Variants in OTOG observed in about 807,000 individuals in gnomAD.
The protein encoded by OTOG is otogelin.
In OTOG, 296 loss-of-function variants were observed where a neutral mutation model predicts 313.8. The ratio of observed to expected loss-of-function variants is 0.94; its 90% CI spans 0.86 to 1.04. The LOEUF (loss-of-function observed/expected upper bound fraction) is 1.04, where lower values mean the gene tolerates loss of function less well. Ranked by LOEUF, OTOG falls within the 50% of genes least tolerant of loss-of-function variation. OTOG has a pLI of 0.00. For missense variants in OTOG, 3,948 were observed against 3,840.1 expected, an observed-to-expected ratio of 1.03 and a Z score of -0.74; for synonymous variants, 1,533 against 1,554.9, an observed-to-expected ratio of 0.99 and a Z score of 0.33.
chr11:17,561,357 G>A lies in OTOG; in HGVS notation c.1498+220G>A, dbSNP rs560708660. ...TCCATGAGGAGAAGGGGTTTCCATG[G>A]GTTCTGTATATCTAAAGACCTTCCC... On this transcript the variant is annotated intron_variant, in intron 14 of 55. Transcript: ENST00000399397. 2.0e-5 allele frequency among the ~76,000 whole-genome samples: 3 copies of A among 152,318 alleles called. No individual in the cohort carries two copies. The East Asian group carries it at 5.8e-4, about 29-fold the overall frequency.
chr11:17,547,550 GGAGAGAGGGAGGAAA>G, intron 1 of OTOG, 84 bp downstream of exon 1: 1 of 1,273,122 alleles, frequency 7.9e-7, no homozygotes. Context: ...CGCGCAGGTT[GGAGAGAGGGAGGAAA>G]GAGAGGTTTG....
At chr11:17,614,645 A>C (rs1853680219) in intron 39 of OTOG, among the ~76,000 whole-genome samples, 1 of 152,030 alleles carries the variant, frequency 6.6e-6, no homozygotes, top group Non-Finnish European at 1.5e-5. Flanking sequence ...CCCTATAGTT[A>C]TGCCTTTTCC....
Position 17,610,830 on chromosome 11 carries a change from A to G in OTOG, c.5530A>G (p.Thr1844Ala). Reference sequence around the variant, plus strand: ...ACAGGCCACGACTCTGCCTGCTCAGACACTTAGCCCAGTACTGCCTTTCAC... The same window carrying G: ...ACAGGCCACGACTCTGCCTGCTCAGGCACTTAGCCCAGTACTGCCTTTCAC... ...QPQATTLPAQ[T>A]LSPVLPFTPA... Residue 1844 changes from threonine (T) to alanine (A), a missense_variant, in exon 36 of 56, where the codon ACA becomes GCA. Coordinates refer to ENST00000399397, the MANE Select transcript of OTOG (RefSeq NM_001292063.2). 1.9e-6 allele frequency: 3 copies of G among 1,550,866 alleles called. No homozygotes were observed. Among genetic ancestry groups the G allele is most frequent in the Non-Finnish European group, 2.6e-6 (3 of 1,147,000 alleles).
At chr11:17,613,247 CTTTCTTTCT>C (rs1853630526) in intron 38 of OTOG, among the ~76,000 whole-genome samples, 1 of 125,250 alleles carries the variant, frequency 8.0e-6, no homozygotes, top group Non-Finnish European at 1.6e-5. Flanking sequence ...TTCTTTCTTT[CTTTCTTTCT>C]TTCTTTCTTT....
intron 40 of OTOG, among the ~76,000 whole-genome samples, chr11:17,630,499 A>C (rs1854096185): frequency 6.6e-6 from 1 of 152,222 alleles, no homozygotes; most frequent in Non-Finnish European, 1.5e-5. Context: ...TCACAGAATC[A>C]TGGTTAGAGG....
In OTOG at chr11:17,586,551, G is replaced by C; in HGVS notation, c.2837G>C (p.Gly946Ala). ...CTWKGKEYFP[G>A]DQVMSPCHTC... Reference sequence around the variant, plus strand: ...TGGAAGGGGAAGGAGTATTTCCCTGGGGACCAGGTGATGTCTCCTTGCCAT... The same window carrying C: ...TGGAAGGGGAAGGAGTATTTCCCTGCGGACCAGGTGATGTCTCCTTGCCAT... Residue 946 changes from glycine (G) to alanine (A), a missense_variant, in exon 24 of 56, where the codon GGG (glycine) becomes GCG (alanine). Transcript: ENST00000399397. 7.0e-7 allele frequency: 1 copy of C among 1,428,244 alleles called. No homozygotes were observed. Among genetic ancestry groups the C allele is most frequent in the East Asian group, 2.9e-5 (1 of 34,320 alleles). The allele number at this position is 1,428,244 out of a possible 1,614,324, so 88.5% of individuals were successfully genotyped here. A position where few individuals can be genotyped will look rare whatever the true frequency, so the allele number is the denominator to read the frequency against.
intron 30 of OTOG, among the ~76,000 whole-genome samples, chr11:17,598,074 G>A (rs913453573): frequency 1.3e-5 from 2 of 152,168 alleles, no homozygotes; most frequent in African/African-American, 2.4e-5. Context: ...CAGGCAAGAC[G>A]CCAAAGGAAG....
chr11:17,630,047 C>G (rs1854081424), intron 40 of OTOG, among the ~76,000 whole-genome samples: 1 of 152,138 alleles, frequency 6.6e-6, no homozygotes, highest in Non-Finnish European at 1.5e-5. Flanking sequence ...TCACACATTC[C>G]CATTCATGCC....
intron 23 of OTOG, among the ~76,000 whole-genome samples, chr11:17,579,487 C>T (rs1281358684): frequency 6.6e-6 from 1 of 152,124 alleles, no homozygotes; most frequent in Non-Finnish European, 1.5e-5. Context: ...GACTCAAACC[C>T]AAGTCTCCTT....
At chr11:17,630,461 A>G (rs879774358) in intron 40 of OTOG, among the ~76,000 whole-genome samples, 26 of 152,234 alleles carry the variant, frequency 1.7e-4, no homozygotes, top group Admixed American at 5.2e-4. Flanking sequence ...TATATTAATA[A>G]GAGTTTGCCT....
chr11:17,638,685 G>A (rs1847904059), intron 48 of OTOG, 136 bp downstream of exon 48: 2 of 1,506,004 alleles, frequency 1.3e-6, no homozygotes, highest in Admixed American at 3.9e-5. Context: ...GAAGCCACCA[G>A]AATCACCTTC....
intron 15 of OTOG, among the ~76,000 whole-genome samples, chr11:17,563,163 T>C (rs553842742): frequency 4.9e-4 from 74 of 152,266 alleles, no homozygotes; most frequent in African/African-American, 1.7e-3. Flanking sequence ...CTGGGGTAGA[T>C]GGGGGTTTGT....
intron 25 of OTOG, 91 bp downstream of exon 25, chr11:17,591,679 G>A: frequency 1.4e-6 from 2 of 1,469,090 alleles, no homozygotes; most frequent in African/African-American, 2.8e-5. Flanking sequence ...GCAGAATTGG[G>A]TGATCGGGGA....
chr11:17,629,086 G>T, intron 39 of OTOG, 47 bp from the exon 40 acceptor site: 1 of 1,493,480 alleles, frequency 6.7e-7, no homozygotes, highest in Non-Finnish European at 9.1e-7. Context: ...ATGGATGGAT[G>T]AATGAATGGA....
chr11:17,578,275 G>A (rs548323761), intron 22 of OTOG, 98 bp from the exon 23 acceptor site: 226 of 1,407,338 alleles, frequency 1.6e-4, no homozygotes, highest in Non-Finnish European at 1.6e-4. Context: ...GGAGACTTCC[G>A]AGCCCGTCTC....
At position 17,634,052 on chromosome 11, in the gene OTOG, G is replaced by A; in HGVS notation, c.7268-17G>A. 6.5e-7 allele frequency: 1 copy of A among 1,538,586 alleles called. No individual in the cohort carries two copies. Among genetic ancestry groups the A allele is most frequent in the Non-Finnish European group, 8.7e-7 (1 of 1,144,162 alleles). The stretch of plus-strand genomic sequence containing the variant: ...CACCTTCCTCAGTCCCTCGCACCCT[G>A]CCATTCCCCTCTGCAGCCTGCACTG... On this transcript the variant is annotated splice_polypyrimidine_tract_variant and intron_variant, in intron 43 of 55. Coordinates refer to ENST00000399397, the MANE Select transcript of OTOG (RefSeq NM_001292063.2).
At position 17,612,195 on chromosome 11, in the gene OTOG, T is replaced by C; in HGVS notation, c.6157T>C (p.Cys2053Arg). The C allele has an allele frequency of 6.5e-7, 1 of 1,550,004 alleles. No individual in the cohort carries two copies. The highest frequency in any genetic ancestry group is 2.4e-5 in the East Asian group (1 of 40,914). The change falls in exon 37 of 56, where the codon TGC becomes CGC. Residue 2053 changes from cysteine (C) to arginine (R), a missense_variant. By Grantham distance (180) the Cys-to-Arg change is radical. Transcript: ENST00000399397. ...IAEQDCVRHI[C>R]LEGQLIRVNQ... Reference sequence around the variant, plus strand: ...CGAGCAGGACTGCGTCCGCCACATCTGCCTGGAGGGCCAGCTGATTCGCGT... The same window carrying C: ...CGAGCAGGACTGCGTCCGCCACATCCGCCTGGAGGGCCAGCTGATTCGCGT...
intron 19 of OTOG, 32 bp from the exon 20 acceptor site, chr11:17,574,688 A>G: frequency 6.5e-7 from 1 of 1,535,272 alleles, no homozygotes; most frequent in Non-Finnish European, 8.8e-7. Flanking sequence ...GATGAGGGAG[A>G]CAAAGCATGC....
At chr11:17,587,191 G>A (rs1304665472) in intron 24 of OTOG, among the ~76,000 whole-genome samples, 1 of 152,208 alleles carries the variant, frequency 6.6e-6, no homozygotes, top group Non-Finnish European at 1.5e-5. Flanking sequence ...GAAAGTACGT[G>A]TGAGGGTATT....
Sources: gnomAD v4.1 joint callset for allele counts (sites outside exome capture counted in the v4.1 genomes callset) on GRCh38, gnomAD v4.1.1 for gene constraint, MANE v1.5 for transcripts, NCBI Gene and HGNC (gene_info 2026-07-23, HGNC 2026-07-21) for gene names.